ZNF808: variants seen among roughly 807,000 people sequenced by gnomAD.
ZNF808 encodes zinc finger protein 808.
In ZNF808, 5 loss-of-function variants were observed where a neutral mutation model predicts 8.7. The ratio of observed to expected loss-of-function variants is 0.58; its 90% CI spans 0.30 to 1.21. The LOEUF (loss-of-function observed/expected upper bound fraction) is 1.21, where lower values mean the gene tolerates loss of function less well. ZNF808 is among the 50% of genes most tolerant of loss of function. ZNF808 has a pLI of 0.07. For synonymous variants in ZNF808, 380 were observed against 366.0 expected (o/e 1.04, Z -0.44); for missense variants, 1,103 against 1,098.4 (o/e 1.00, Z -0.06).
intron 3 of ZNF808, among the ~76,000 whole-genome samples, chr19:52,545,713 G>A (rs1268999489): frequency 7.2e-5 from 11 of 152,064 alleles, no homozygotes; most frequent in Non-Finnish European, 1.2e-4. Flanking sequence ...GGGTGGCACA[G>A]GTTGCAGTGA....
rs2059816419 is a variant in ZNF808 at position 52,554,675 on chromosome 19, A to G, written c.1759A>G (p.Arg587Gly). ...NQQSHLSRHRRLHTGEKPYKC... is the reference protein window; with the variant it reads ...NQQSHLSRHRGLHTGEKPYKC... The stretch of plus-strand genomic sequence containing the variant: ...ACAATCACATCTTTCACGTCATCGT[A>G]GACTTCATACTGGAGAGAAACCTTA... Residue 587 changes from arginine (R) to glycine (G), a missense_variant, in exon 5 of 5, where the codon AGA becomes GGA. Physicochemically the swap from Arg to Gly is moderately radical, Grantham distance 125. Transcript: ENST00000359798. The G allele has an allele frequency of 6.2e-7, 1 of 1,614,128 alleles. No individual in the cohort carries two copies. Among genetic ancestry groups the G allele is most frequent in the East Asian group, 2.2e-5 (1 of 44,874 alleles).
At chr19:52,540,007 G>A (rs1393918133) in intron 2 of ZNF808, among the ~76,000 whole-genome samples, 3 of 151,976 alleles carry the variant, frequency 2.0e-5, no homozygotes, top group Admixed American at 1.3e-4. Context: ...ACCAGGTCCG[G>A]CTAATGTTTA....
At chr19:52,556,716 C>A (rs1254503528), downstream of ZNF808, 1 of 151,716 alleles carries the variant, frequency 6.6e-6, no homozygotes, top group African/African-American at 2.4e-5. Flanking sequence ...CCAGATAGCA[C>A]CATTGCAACT....
chr19:52,540,075 G>C (rs1243082384), intron 2 of ZNF808, among the ~76,000 whole-genome samples: 1 of 151,692 alleles, frequency 6.6e-6, no homozygotes. Flanking sequence ...CTAGTGGCAC[G>C]ACCTCGTCTC....
chr19:52,529,878 G>A (rs2059544533), intron 1 of ZNF808, among the ~76,000 whole-genome samples: 1 of 147,650 alleles, frequency 6.8e-6, no homozygotes. Flanking sequence ...GAGCCACCAA[G>A]CCCAGCTAGT....
At chr19:52,562,350 C>G (rs2059860699) in intron 3 of ZNF808, among the ~76,000 whole-genome samples, 1 of 151,956 alleles carries the variant, frequency 6.6e-6, no homozygotes, top group Non-Finnish European at 1.5e-5. Flanking sequence ...TGCACTCTAG[C>G]CTGGGCAACA....
Position 52,555,199 on chromosome 19 carries a change from A to G in ZNF808, c.2283A>G (p.Lys761=), listed in dbSNP as rs766679028. 23 of 1,613,904 alleles carry G rather than the reference A, an allele frequency of 1.4e-5. No homozygotes were observed. The highest frequency in any genetic ancestry group is 1.9e-5 in the Non-Finnish European group (23 of 1,179,994). ...LCHRRLHSGE[K]PYKCNDCGNT... ...ATCGTAGACTTCATAGTGGTGAGAA[A>G]CCTTACAAGTGTAACGACTGTGGCA... The change falls in exon 5 of 5, where the codon AAA becomes AAG. Residue 761 remains lysine (K), a synonymous_variant. Coordinates refer to ENST00000359798, the MANE Select transcript of ZNF808 (RefSeq NM_001039886.4).
intron 4 of ZNF808, among the ~76,000 whole-genome samples, chr19:52,549,838 A>C (rs2447422): frequency 0.056 from 8,473 of 151,882 alleles, 653 homozygotes; most frequent in African/African-American, 0.18. Context: ...CACCACTCTC[A>C]CTGAGTAAGT....
Position 52,555,347 on chromosome 19 carries a change from A to C in ZNF808, c.2431A>C (p.Arg811=). The change falls in exon 5 of 5, where the codon AGA becomes CGA. Residue 811 remains arginine (R), a synonymous_variant. Transcript: ENST00000359798. ...TAATTCATACCTGGCAAGACATATTAGAATTCACACTGCAGAGAAACCTTA... is the reference window on the plus strand; with the variant it reads ...TAATTCATACCTGGCAAGACATATTCGAATTCACACTGCAGAGAAACCTTA... The part of the protein sequence containing the change: ...VRNSYLARHI[R]IHTAEKPYKC... 3 of 1,614,226 alleles carry C rather than the reference A, an allele frequency of 1.9e-6. No homozygotes were observed. The highest frequency in any genetic ancestry group is 2.5e-6 in the Non-Finnish European group (3 of 1,180,036).
At chr19:52,564,845 G>T (rs1482825981), downstream of ZNF808, among the ~76,000 whole-genome samples, 2 of 152,124 alleles carry the variant, frequency 1.3e-5, no homozygotes. Context: ...CCAGCACTTT[G>T]GGAGGCCGAG....
At chr19:52,550,482 A>G (rs2059766040) in intron 4 of ZNF808, among the ~76,000 whole-genome samples, 1 of 150,892 alleles carries the variant, frequency 6.6e-6, no homozygotes, top group African/African-American at 2.4e-5. Flanking sequence ...TACCTACCTC[A>G]GCCTCCCAAA....
chr19:52,534,913 A>G (rs777319202), intron 2 of ZNF808, among the ~76,000 whole-genome samples: 4 of 152,098 alleles, frequency 2.6e-5, no homozygotes, highest in Admixed American at 1.3e-4. Flanking sequence ...AGAAAAAAGT[A>G]AAAAAAGAGA....
At chr19:52,560,917 A>G (rs1229262543), downstream of ZNF808, among the ~76,000 whole-genome samples, 1 of 152,082 alleles carries the variant, frequency 6.6e-6, no homozygotes. Context: ...TGATTTTGTA[A>G]TAGTGAACAC....
Position 52,554,321 on chromosome 19 carries a change from C to T in ZNF808, c.1405C>T (p.Gln469Ter). Reference protein sequence around the residue: ...VCDTAFTCNSQLARHRRIHTG... With the variant: ...VCDTAFTCNS Reference sequence around the variant, plus strand: ...TGATACAGCTTTCACGTGTAATTCACAGCTGGCACGACATAGAAGAATTCA... The same window carrying T: ...TGATACAGCTTTCACGTGTAATTCATAGCTGGCACGACATAGAAGAATTCA... Residue 469 changes from glutamine (Q) to a stop codon, truncating the protein, a stop_gained, in exon 5 of 5, where the codon CAG becomes TAG. Coordinates refer to ENST00000359798, the MANE Select transcript of ZNF808 (RefSeq NM_001039886.4). LOFTEE classifies it low-confidence loss of function (END_TRUNC). The T allele has an allele frequency of 6.2e-7, 1 of 1,613,946 alleles. No homozygotes were observed. The highest frequency in any genetic ancestry group is 8.5e-7 in the Non-Finnish European group (1 of 1,179,994).
At chr19:52,539,498 G>A (rs1161158452) in intron 2 of ZNF808, among the ~76,000 whole-genome samples, 1 of 104,074 alleles carries the variant, frequency 9.6e-6, no homozygotes, top group Admixed American at 9.7e-5. Flanking sequence ...CTCAGTAATT[G>A]TTTTTTATTT....
At chr19:52,541,828 C>T (rs1024795068) in intron 2 of ZNF808, among the ~76,000 whole-genome samples, 1 of 152,120 alleles carries the variant, frequency 6.6e-6, no homozygotes, top group African/African-American at 2.4e-5. Context: ...ATCCTGTGTC[C>T]AGTTGTCTCA....
In ZNF808 at chr19:52,554,971, C is replaced by T. The variant is rs560928173; in HGVS notation, c.2055C>T (p.Asp685=). Residue 685 remains aspartate (D), a synonymous_variant, in exon 5 of 5, where the codon GAC becomes GAT. Coordinates refer to ENST00000359798, the MANE Select transcript of ZNF808 (RefSeq NM_001039886.4). ...AATCTTACAAATGTAAGGTTTGTGA[C>T]AAGGCTTTCGTGTGTCGTTCCTATG... ...GEKSYKCKVC[D]KAFVCRSYVA... is the part of the protein sequence containing the mutation. 3.1e-5 allele frequency: 50 copies of T among 1,614,188 alleles called. No individual in the cohort carries two copies. The East Asian group carries it at 1.1e-3, about 35-fold the overall frequency.
rs370883787 is a variant in ZNF808, at chr19:52,530,340, G to A, written c.-121-2568G>A. Among the ~76,000 whole-genome samples, 380 of 152,140 alleles carry A rather than the reference G, an allele frequency of 2.5e-3. 2 individuals are homozygous for A. Among genetic ancestry groups the A allele is most frequent in the Non-Finnish European group, 3.8e-3 (256 of 68,016 alleles). Reference sequence around the variant, plus strand: ...CTCCCAAAGTGCTGGGATTCCTGGCGTGAGCCACCACTCTCAACCCATAGT... The same window carrying A: ...CTCCCAAAGTGCTGGGATTCCTGGCATGAGCCACCACTCTCAACCCATAGT... On this transcript the variant is annotated intron_variant, in intron 1 of 4. Coordinates refer to ENST00000359798, the MANE Select transcript of ZNF808 (RefSeq NM_001039886.4).
chr19:52,567,826 G>T (rs1036264110), downstream of ZNF808, among the ~76,000 whole-genome samples: 1 of 152,038 alleles, frequency 6.6e-6, no homozygotes, highest in African/African-American at 2.4e-5. Flanking sequence ...CGCCCGGCCT[G>T]AAGTAGAATA....
Sources: allele counts gnomAD v4.1 joint callset (sites outside exome capture counted in the v4.1 genomes callset), GRCh38; gene constraint gnomAD v4.1.1; transcripts MANE v1.5; gene names NCBI Gene and HGNC (gene_info 2026-07-23, HGNC 2026-07-21).